NCAM2: variants seen among roughly 807,000 people sequenced by gnomAD.
The protein encoded by NCAM2 is N-CAM-2.
In NCAM2, 30 loss-of-function variants were observed where a neutral mutation model predicts 98.1. That is an observed-to-expected ratio of 0.31 (90% CI 0.23 to 0.41). The LOEUF (loss-of-function observed/expected upper bound fraction) is 0.41, where lower values mean the gene tolerates loss of function less well. Ranked by LOEUF, NCAM2 falls within the 10% of genes least tolerant of loss-of-function variation. The pLI, the probability that NCAM2 is intolerant of heterozygous loss-of-function variation, is 1.00. For synonymous variants in NCAM2, 368 were observed against 342.4 expected (o/e 1.07, Z -0.83); for missense variants, 867 against 1,005.8 (o/e 0.86, Z 1.87).
chr21:21,423,049 A>C (rs2077143347), intron 11 of NCAM2, among the ~76,000 whole-genome samples: 1 of 152,054 alleles, frequency 6.6e-6, no homozygotes, highest in Non-Finnish European at 1.5e-5. Context: ...TCATTTATAT[A>C]TTTTTAAATT....
At chr21:21,171,450 G>GTTT (rs2068121660) in intron 1 of NCAM2, among the ~76,000 whole-genome samples, 1 of 152,112 alleles carries the variant, frequency 6.6e-6, no homozygotes, top group Non-Finnish European at 1.5e-5. Context: ...AAACTGTGAG[G>GTTT]TACTCAGAGG....
At chr21:20,999,258 C>T (rs1028047796) in intron 1 of NCAM2, among the ~76,000 whole-genome samples, 1 of 151,726 alleles carries the variant, frequency 6.6e-6, no homozygotes. Flanking sequence ...CTTATTAATA[C>T]AGAAAGGTGG....
chr21:21,533,670 C>G (rs28697204), intron 16 of NCAM2, among the ~76,000 whole-genome samples: 2 of 146,590 alleles, frequency 1.4e-5, no homozygotes, highest in African/African-American at 5.0e-5. Context: ...TTTTTCTGTA[C>G]CTATTTGAAA....
intron 9 of NCAM2, among the ~76,000 whole-genome samples, chr21:21,409,004 A>G (rs879796781): frequency 0.11 from 17,036 of 150,238 alleles, 1,242 homozygotes; most frequent in Middle Eastern, 0.2. Context: ...AAAATATTTA[A>G]AAGTTAAATG....
intron 1 of NCAM2, among the ~76,000 whole-genome samples, chr21:21,188,638 C>T (rs1032326648): frequency 6.6e-6 from 1 of 151,810 alleles, no homozygotes; most frequent in South Asian, 2.1e-4. Flanking sequence ...TCATAGGGGC[C>T]CTTGGATTTT....
At chr21:21,447,765 T>A (rs987611744) in intron 12 of NCAM2, among the ~76,000 whole-genome samples, 1 of 152,148 alleles carries the variant, frequency 6.6e-6, no homozygotes, top group Admixed American at 6.6e-5. Context: ...AAAGAAGACA[T>A]TTACGTGGAC....
chr21:21,210,691 G>C, intron 1 of NCAM2: 1 of 1,233,800 alleles, frequency 8.1e-7, no homozygotes, highest in Non-Finnish European at 1.0e-6. Context: ...TTACAGGACA[G>C]GTCAGCTGGA....
At chr21:21,509,284 A>T (rs982359698) in intron 16 of NCAM2, among the ~76,000 whole-genome samples, 2 of 152,170 alleles carry the variant, frequency 1.3e-5, no homozygotes, top group African/African-American at 2.4e-5. Flanking sequence ...TCACAATGGG[A>T]TCTTCACTGA....
rs778376577 is a variant in NCAM2, at chr21:21,508,864, T to C, written c.2091T>C (p.Asn697=). 9 of 1,385,904 alleles carry C rather than the reference T, an allele frequency of 6.5e-6. No individual in the cohort carries two copies. The East Asian group carries it at 2.1e-4, about 32-fold the overall frequency. The allele number at this position is 1,385,904 out of a possible 1,614,324, so 85.9% of individuals were successfully genotyped here. A position where few individuals can be genotyped will look rare whatever the true frequency, so the allele number is the denominator to read the frequency against. ...TTACTTTTTAAGACACGCTGTTTAA[T>C]GGTCTTGGGCTTGGAGCAGTAATTG... The part of the protein sequence containing the change: ...KPNIIKDTLF[N]GLGLGAVIGL... The change falls in exon 16 of 18, where the codon AAT becomes AAC. Residue 697 remains asparagine (N), a synonymous_variant. Transcript: ENST00000400546.
intron 9 of NCAM2, among the ~76,000 whole-genome samples, chr21:21,392,483 A>C (rs1316228685): frequency 1.3e-5 from 2 of 152,112 alleles, no homozygotes; most frequent in Non-Finnish European, 2.9e-5. Context: ...GGGATTGCTG[A>C]GTTGATTGGT....
intron 1 of NCAM2, among the ~76,000 whole-genome samples, chr21:21,232,934 C>A (rs1568807129): frequency 6.6e-6 from 1 of 151,464 alleles, no homozygotes; most frequent in Non-Finnish European, 1.5e-5. Flanking sequence ...TCTTAAAATT[C>A]TGGGAATTTT....
rs373149107 is a variant in NCAM2 at position 21,488,201 on chromosome 21, T to G, written c.2077+10730T>G. On this transcript the variant is annotated intron_variant, in intron 15 of 17. Coordinates refer to ENST00000400546, the MANE Select transcript of NCAM2 (RefSeq NM_004540.5). ...TTAAATATTCAAGTTCTTTTTAAAT[T>G]AACAAAGTTACAAGTATGCATCCTA... 9.4e-4 allele frequency among the ~76,000 whole-genome samples: 143 copies of G among 152,004 alleles called. 3 individuals carry two copies. The highest frequency in any genetic ancestry group is 9.2e-3 in the South Asian group (44 of 4,802).
chr21:21,493,092 G>A (rs920429081), intron 15 of NCAM2, among the ~76,000 whole-genome samples: 3 of 151,818 alleles, frequency 2.0e-5, no homozygotes, highest in African/African-American at 7.2e-5. Context: ...TGTGACTCAC[G>A]GTCCTGTCAA....
intron 8 of NCAM2, among the ~76,000 whole-genome samples, chr21:21,340,987 A>G (rs2075016051): frequency 6.6e-6 from 1 of 152,084 alleles, no homozygotes; most frequent in Non-Finnish European, 1.5e-5. Flanking sequence ...TTATCATATT[A>G]TAAATATCCA....
intron 1 of NCAM2, among the ~76,000 whole-genome samples, chr21:21,130,178 CTT>C (rs765287059): frequency 1.3e-4 from 19 of 151,974 alleles, no homozygotes; most frequent in Non-Finnish European, 2.2e-4. Flanking sequence ...TGTGAAATGT[CTT>C]TTGAATTGTT....
chr21:21,187,766 TA>T (rs2068688437), intron 1 of NCAM2, among the ~76,000 whole-genome samples: 1 of 152,176 alleles, frequency 6.6e-6, no homozygotes, highest in African/African-American at 2.4e-5. Context: ...GGGTATTCAT[TA>T]AACCTGACTC....
At chr21:21,311,683 G>A (rs1157989967) in intron 5 of NCAM2, among the ~76,000 whole-genome samples, 4 of 151,974 alleles carry the variant, frequency 2.6e-5, no homozygotes, top group Admixed American at 2.0e-4. Context: ...TTTTGTTTCC[G>A]TTATCAGATC....
chr21:21,505,764 T>G (rs564234038), intron 15 of NCAM2, among the ~76,000 whole-genome samples: 73 of 152,120 alleles, frequency 4.8e-4, no homozygotes, highest in African/African-American at 1.7e-3. Context: ...ATCAATTTTA[T>G]AATATTAAAA....
intron 16 of NCAM2, among the ~76,000 whole-genome samples, chr21:21,533,670 C>A (rs28697204): frequency 0.61 from 89,832 of 146,456 alleles, 27,811 homozygotes; most frequent in Admixed American, 0.69. Flanking sequence ...TTTTTCTGTA[C>A]CTATTTGAAA....
Sources: gnomAD v4.1 joint callset for allele counts (sites outside exome capture counted in the v4.1 genomes callset) on GRCh38, gnomAD v4.1.1 for gene constraint, MANE v1.5 for transcripts, NCBI Gene and HGNC (gene_info 2026-07-23, HGNC 2026-07-21) for gene names.